Variants in NCKAP5 observed in about 807,000 individuals in gnomAD.
NCKAP5 encodes nck-associated protein 5.
Under a neutral mutation model 167.0 loss-of-function variants are expected in NCKAP5, and 92 were observed. That is an observed-to-expected ratio of 0.55 (90% CI 0.47 to 0.66). The LOEUF (loss-of-function observed/expected upper bound fraction) is 0.66. Among genes scored for constraint, NCKAP5 ranks in the 30% least tolerant of loss-of-function variants. The pLI is 0.00. For synonymous variants in NCKAP5, 891 were observed against 877.4 expected, an observed-to-expected ratio of 1.02 and a Z score of -0.27; for missense variants, 2,378 against 2,315.0, an observed-to-expected ratio of 1.03 and a Z score of -0.56.
chr2:133,308,480 T>C (rs1024127686), intron 3 of NCKAP5, among the ~76,000 whole-genome samples: 1 of 152,026 alleles, frequency 6.6e-6, no homozygotes, highest in African/African-American at 2.4e-5. Flanking sequence ...AATTTGGTGA[T>C]CCATGTTGTG....
Position 133,449,938 on chromosome 2 carries a change from G to T in NCKAP5, c.69+67520C>A, listed in dbSNP as rs147714231. Among the ~76,000 whole-genome samples the T allele has an allele frequency of 3.0e-3, 451 of 151,706 alleles. 6 individuals are homozygous for T. The highest frequency in any genetic ancestry group is 0.011 in the African/African-American group (444 of 41,332). On this transcript the variant is annotated intron_variant, in intron 3 of 19. Coordinates refer to ENST00000409261, the MANE Select transcript of NCKAP5 (RefSeq NM_207363.3). ...TGACAACTACCTGCCAAATGTCTGT[G>T]CATCTCTATGTTTGAGCATCTCAAC...
intron 3 of NCKAP5, among the ~76,000 whole-genome samples, chr2:133,405,820 C>T (rs1156844531): frequency 6.6e-6 from 1 of 152,230 alleles, no homozygotes; most frequent in African/African-American, 2.4e-5. Flanking sequence ...GGGTTATACC[C>T]TGCACAAACC....
intron 4 of NCKAP5, among the ~76,000 whole-genome samples, chr2:133,294,121 C>G (rs987104526): frequency 2.0e-5 from 3 of 152,196 alleles, no homozygotes; most frequent in African/African-American, 7.2e-5. Flanking sequence ...CACATTCTCT[C>G]CCCAAGAGAC....
chr2:133,195,263 C>A (rs181134616), intron 5 of NCKAP5, among the ~76,000 whole-genome samples: 1 of 151,982 alleles, frequency 6.6e-6, no homozygotes, highest in African/African-American at 2.4e-5. Context: ...GTGTGGCTAT[C>A]GAAATGACAA....
At position 133,211,003 on chromosome 2, in the gene NCKAP5, C is replaced by G. The variant is rs540960694; in HGVS notation, c.207+2713G>C. 8.0e-5 allele frequency among the ~76,000 whole-genome samples: 12 copies of G among 150,594 alleles called. No homozygotes were observed. The East Asian group carries it at 1.6e-3, about 20-fold the overall frequency. On this transcript the variant is annotated intron_variant, in intron 5 of 19. Coordinates refer to ENST00000409261, the MANE Select transcript of NCKAP5 (RefSeq NM_207363.3). Reference sequence around the variant, plus strand: ...CATTCCCCCAACCCTCCCTACCCCCCCAACCCCATCACTTTTTTCTTTCTC... The same window carrying G: ...CATTCCCCCAACCCTCCCTACCCCCGCAACCCCATCACTTTTTTCTTTCTC...
the NCKAP5 span, among the ~76,000 whole-genome samples, chr2:133,619,635 T>C: frequency 1.1e-4 from 17 of 152,196 alleles, no homozygotes; most frequent in South Asian, 1.0e-3. Flanking sequence ...GAATAATTGA[T>C]ATTCCCAAGG....
At chr2:133,154,680 T>C in intron 5 of NCKAP5, among the ~76,000 whole-genome samples, 1 of 152,228 alleles carries the variant, frequency 6.6e-6, no homozygotes, top group East Asian at 1.9e-4. Flanking sequence ...TGGACTGCAA[T>C]TGATTCATGG....
chr2:133,337,355 GAAGT>G (rs1683282504), intron 3 of NCKAP5, among the ~76,000 whole-genome samples: 1 of 152,134 alleles, frequency 6.6e-6, no homozygotes, highest in Admixed American at 6.6e-5. Flanking sequence ...GCTTAAAGAA[GAAGT>G]AAGTACCAAG....
At chr2:133,179,633 C>T (rs911880570) in intron 5 of NCKAP5, among the ~76,000 whole-genome samples, 1 of 151,946 alleles carries the variant, frequency 6.6e-6, no homozygotes, top group African/African-American at 2.4e-5. Context: ...CAAAGAAATA[C>T]AAAGTCTTAG....
chr2:132,723,715 T>C (rs574621985), intron 19 of NCKAP5, among the ~76,000 whole-genome samples: 1 of 152,280 alleles, frequency 6.6e-6, no homozygotes, highest in South Asian at 2.1e-4. Context: ...ATTTCCATCG[T>C]TGAGGGAGGT....
intron 11 of NCKAP5, among the ~76,000 whole-genome samples, chr2:132,827,984 T>C (rs190457965): frequency 1.3e-5 from 2 of 152,290 alleles, no homozygotes; most frequent in Admixed American, 6.5e-5. Context: ...TGAAGTCAGA[T>C]TGAAGCACAA....
intron 8 of NCKAP5, among the ~76,000 whole-genome samples, chr2:132,956,184 C>A (rs2076338155): frequency 6.6e-6 from 1 of 152,184 alleles, no homozygotes; most frequent in African/African-American, 2.4e-5. Flanking sequence ...ATCATAACAT[C>A]ACTCTGCATG....
At chr2:132,964,004 G>T in intron 7 of NCKAP5, 135 bp from the exon 8 acceptor site, 1 of 979,464 alleles carries the variant, frequency 1.0e-6, no homozygotes, top group Non-Finnish European at 1.5e-6. Context: ...CAAATTCTGA[G>T]AGGGGTTTAT....
chr2:133,370,719 A>AT (rs1220342523), intron 3 of NCKAP5, among the ~76,000 whole-genome samples: 2 of 145,378 alleles, frequency 1.4e-5, no homozygotes, highest in African/African-American at 2.6e-5. Flanking sequence ...TTTTTTTTGC[A>AT]TTTTTTAAAA....
intron 8 of NCKAP5, among the ~76,000 whole-genome samples, chr2:132,935,951 G>A (rs1336127989): frequency 6.6e-6 from 1 of 151,632 alleles, no homozygotes; most frequent in Non-Finnish European, 1.5e-5. Flanking sequence ...AGGCAAAAGA[G>A]TTAAACTACC....
At chr2:133,673,103 A>T in the NCKAP5 span, among the ~76,000 whole-genome samples, 19 of 152,190 alleles carry the variant, frequency 1.2e-4, no homozygotes, top group Non-Finnish European at 2.9e-5. Context: ...TAACCTGATG[A>T]GCCACTCAGA....
chr2:132,874,764 A>T (rs1372538508), intron 9 of NCKAP5, among the ~76,000 whole-genome samples: 1 of 152,104 alleles, frequency 6.6e-6, no homozygotes, highest in East Asian at 1.9e-4. Flanking sequence ...GAAAATTGCC[A>T]ATTTCCTGTC....
intron 9 of NCKAP5, among the ~76,000 whole-genome samples, chr2:132,876,914 T>C (rs1691327622): frequency 6.6e-6 from 1 of 152,180 alleles, no homozygotes; most frequent in Non-Finnish European, 1.5e-5. Context: ...TGTGAGTGTT[T>C]TGATTGACAG....
intron 15 of NCKAP5, among the ~76,000 whole-genome samples, chr2:132,775,071 A>T (rs1435116338): frequency 6.6e-6 from 1 of 152,160 alleles, no homozygotes; most frequent in Non-Finnish European, 1.5e-5. Context: ...TACATTCCAG[A>T]CAGCCACCTA....
Sources: gnomAD v4.1 joint callset for allele counts (sites outside exome capture counted in the v4.1 genomes callset) on GRCh38, gnomAD v4.1.1 for gene constraint, MANE v1.5 for transcripts, NCBI Gene and HGNC (gene_info 2026-07-23, HGNC 2026-07-21) for gene names.